ARHGEF28: variants seen among roughly 807,000 people sequenced by gnomAD.
ARHGEF28 encodes 190 kDa guanine nucleotide exchange factor.
A neutral mutation model predicts 206.6 loss-of-function variants in ARHGEF28; 152 were observed. That is an observed-to-expected ratio of 0.74 (90% CI 0.64 to 0.84). ARHGEF28 has a LOEUF of 0.84. Ranked by LOEUF, ARHGEF28 falls within the 40% of genes least tolerant of loss-of-function variation. The probability of loss-of-function intolerance (pLI) is 0.00; values close to 1 mark genes in which losing one functional copy is unlikely to be tolerated. For synonymous variants in ARHGEF28, 763 were observed against 776.4 expected, an observed-to-expected ratio of 0.98 and a Z score of 0.29; for missense variants, 2,028 against 2,073.2, an observed-to-expected ratio of 0.98 and a Z score of 0.42.
chr5:73,740,884 A>G (rs1262483281), intron 2 of ARHGEF28, among the ~76,000 whole-genome samples: 2 of 152,172 alleles, frequency 1.3e-5, no homozygotes, highest in East Asian at 3.9e-4. Context: ...CAGTGATGCT[A>G]GTGGATTATT....
At chr5:73,778,325 G>A (rs920226033) in intron 6 of ARHGEF28, 2 of 152,124 alleles carry the variant, frequency 1.3e-5, no homozygotes, top group African/African-American at 4.8e-5. Flanking sequence ...ATCTTCTAAA[G>A]TCTTAGGCTA....
chr5:73,806,798 ATACATC>A (rs1436259512), intron 9 of ARHGEF28, among the ~76,000 whole-genome samples: 1 of 140,020 alleles, frequency 7.1e-6, no homozygotes, highest in African/African-American at 2.7e-5. Flanking sequence ...GATATATCGT[ATACATC>A]TATATGTGCC....
At chr5:73,842,540 C>T (rs1383520501) in intron 11 of ARHGEF28, among the ~76,000 whole-genome samples, 1 of 152,122 alleles carries the variant, frequency 6.6e-6, no homozygotes, top group African/African-American at 2.4e-5. Flanking sequence ...TGGGTAGTCA[C>T]TACTATAATT....
At chr5:73,911,666 T>A in intron 35 of ARHGEF28, 91 bp downstream of exon 35, 1 of 1,295,062 alleles carries the variant, frequency 7.7e-7, no homozygotes, top group Non-Finnish European at 1.1e-6. Flanking sequence ...ATCAAAGTCC[T>A]CCCTAGCATG....
At chr5:73,930,595 A>G (rs1308799189) in intron 35 of ARHGEF28, among the ~76,000 whole-genome samples, 1 of 152,216 alleles carries the variant, frequency 6.6e-6, no homozygotes, top group Non-Finnish European at 1.5e-5. Flanking sequence ...CGTGAGAACT[A>G]AGCTCTTTCT....
At chr5:73,685,595 T>C (rs992874691) in intron 2 of ARHGEF28, among the ~76,000 whole-genome samples, 1 of 152,032 alleles carries the variant, frequency 6.6e-6, no homozygotes, top group Non-Finnish European at 1.5e-5. Flanking sequence ...TTTCAAGGAA[T>C]TGAAACAAAT....
chr5:73,888,092 T>C (rs1761410964), intron 26 of ARHGEF28, among the ~76,000 whole-genome samples: 1 of 152,136 alleles, frequency 6.6e-6, no homozygotes, highest in Non-Finnish European at 1.5e-5. Context: ...AAAATGTGAA[T>C]GCTGGGCACA....
chr5:73,914,832 C>A (rs191999281), intron 35 of ARHGEF28, among the ~76,000 whole-genome samples: 12 of 151,304 alleles, frequency 7.9e-5, no homozygotes, highest in Non-Finnish European at 1.2e-4. Context: ...CTCCATCCAC[C>A]TCCTGGACTC....
intron 35 of ARHGEF28, chr5:73,923,158 T>C: frequency 6.5e-7 from 1 of 1,535,748 alleles, no homozygotes; most frequent in Non-Finnish European, 8.7e-7. Context: ...CACATCTACT[T>C]TGAAAGGTAA....
At chr5:73,932,544 C>A (rs893767159) in intron 35 of ARHGEF28, among the ~76,000 whole-genome samples, 7 of 152,098 alleles carry the variant, frequency 4.6e-5, no homozygotes, top group African/African-American at 1.7e-4. Context: ...GCAATGTAAT[C>A]CTATCTTGAC....
At chr5:73,894,360 T>C (rs1215204586) in intron 28 of ARHGEF28, 33 bp from the exon 29 acceptor site, 2 of 1,548,530 alleles carry the variant, frequency 1.3e-6, no homozygotes, top group Non-Finnish European at 1.8e-6. Context: ...TTCATGTTAG[T>C]GATAATCTTC....
intron 23 of ARHGEF28, among the ~76,000 whole-genome samples, chr5:73,883,132 T>C (rs980991985): frequency 2.0e-5 from 3 of 152,190 alleles, no homozygotes; most frequent in South Asian, 2.1e-4. Context: ...GTTATATCTC[T>C]TAAATCTCTT....
Position 73,886,048 on chromosome 5 carries a change from G to C in ARHGEF28, c.3254G>C (p.Arg1085Thr), listed in dbSNP as rs762738713. Reference sequence around the variant, plus strand: ...AAGCAGGCACTGATGAGTGAAGAAAGGACTCTGTTATATGATGGCCTTGTT... The same window carrying C: ...AAGCAGGCACTGATGAGTGAAGAAACGACTCTGTTATATGATGGCCTTGTT... The part of the protein sequence containing the change: ...FRKQALMSEE[R>T]TLLYDGLVYW... Residue 1085 changes from arginine to threonine, a missense_variant, in exon 25 of 36, where the codon AGG becomes ACG. By Grantham distance (71) the Arg-to-Thr change is moderately conservative. Transcript: ENST00000513042. The C allele has an allele frequency of 6.2e-7, 1 of 1,613,858 alleles. No homozygotes were observed. The highest frequency in any genetic ancestry group is 8.5e-7 in the Non-Finnish European group (1 of 1,179,856).
intron 1 of ARHGEF28, among the ~76,000 whole-genome samples, chr5:73,667,346 C>T (rs1236043451): frequency 6.7e-6 from 1 of 149,816 alleles, no homozygotes; most frequent in African/African-American, 2.5e-5. Context: ...TCCCTTGAGC[C>T]ATACCTGGTA....
intron 2 of ARHGEF28, among the ~76,000 whole-genome samples, chr5:73,709,721 C>T (rs911194343): frequency 1.3e-5 from 2 of 152,176 alleles, no homozygotes; most frequent in Non-Finnish European, 2.9e-5. Flanking sequence ...GCAGCAGATG[C>T]AGTTTGTCAG....
intron 11 of ARHGEF28, among the ~76,000 whole-genome samples, chr5:73,841,121 T>A (rs1757961288): frequency 1.3e-5 from 2 of 152,214 alleles, no homozygotes; most frequent in South Asian, 4.1e-4. Flanking sequence ...TCTTGTAAAG[T>A]CAAATATGCA....
At chr5:73,833,892 C>G (rs895809349) in intron 10 of ARHGEF28, among the ~76,000 whole-genome samples, 4 of 152,052 alleles carry the variant, frequency 2.6e-5, no homozygotes, top group Non-Finnish European at 5.9e-5. Flanking sequence ...AAAACCACCC[C>G]CCATGATTCA....
intron 2 of ARHGEF28, among the ~76,000 whole-genome samples, chr5:73,698,513 G>A (rs908844455): frequency 6.6e-6 from 1 of 151,956 alleles, no homozygotes; most frequent in Non-Finnish European, 1.5e-5. Context: ...TTTTGCTTAG[G>A]GTCTTCCCTA....
chr5:73,929,838 T>C (rs1245099717), intron 35 of ARHGEF28, among the ~76,000 whole-genome samples: 5 of 152,212 alleles, frequency 3.3e-5, no homozygotes, highest in Admixed American at 2.0e-4. Flanking sequence ...TTTATAATGC[T>C]ACATATTTAT....
Sources: allele counts gnomAD v4.1 joint callset (sites outside exome capture counted in the v4.1 genomes callset), GRCh38; gene constraint gnomAD v4.1.1; transcripts MANE v1.5; gene names NCBI Gene and HGNC (gene_info 2026-07-23, HGNC 2026-07-21).